KDM2A: variants seen among roughly 807,000 people sequenced by gnomAD.
The protein encoded by KDM2A is lysine-specific demethylase 2A.
Under a neutral mutation model 137.3 loss-of-function variants are expected in KDM2A, and 3 were observed. That is an observed-to-expected ratio of 0.02 (90% CI 0.01 to 0.06). The LOEUF is 0.06. KDM2A is among the 10% of genes least tolerant of loss of function. The pLI is 1.00. For missense variants in KDM2A, 738 were observed against 1,510.6 expected (o/e 0.49, Z 8.48); for synonymous variants, 512 against 541.5 (o/e 0.95, Z 0.76).
intron 5 of KDM2A, among the ~76,000 whole-genome samples, chr11:67,182,203 G>A (rs908488013): frequency 1.3e-5 from 2 of 152,126 alleles, no homozygotes; most frequent in African/African-American, 4.8e-5. Context: ...CAAGAAAGAA[G>A]TTTCATTAAT....
chr11:67,186,066 C>G (rs1010778402), intron 5 of KDM2A, among the ~76,000 whole-genome samples: 2 of 151,828 alleles, frequency 1.3e-5, no homozygotes, highest in African/African-American at 4.8e-5. Flanking sequence ...TAGAAAGGAG[C>G]AGAGAGAATA....
intron 12 of KDM2A, 130 bp downstream of exon 12, chr11:67,232,090 G>A: frequency 1.2e-6 from 1 of 839,778 alleles, no homozygotes; most frequent in Non-Finnish European, 1.9e-6. Flanking sequence ...ATATGCATGT[G>A]TGTTTGTTAT....
At chr11:67,252,587 G>C in intron 17 of KDM2A, 107 bp from the exon 18 acceptor site, 1 of 1,233,776 alleles carries the variant, frequency 8.1e-7, no homozygotes, top group Non-Finnish European at 1.2e-6. Flanking sequence ...ACTTGTAGAA[G>C]AACGAGCCTC....
intron 5 of KDM2A, among the ~76,000 whole-genome samples, chr11:67,183,246 C>A (rs540647058): frequency 6.6e-6 from 1 of 152,204 alleles, no homozygotes; most frequent in East Asian, 1.9e-4. Flanking sequence ...CAAGACAGAA[C>A]ACTCAGGGGA....
chr11:67,160,202 T>C (rs1311267647), intron 2 of KDM2A, among the ~76,000 whole-genome samples: 2 of 152,188 alleles, frequency 1.3e-5, no homozygotes, highest in East Asian at 3.9e-4. Context: ...GAACAGGCAG[T>C]GATGTTGTAT....
intron 2 of KDM2A, among the ~76,000 whole-genome samples, chr11:67,135,867 G>T (rs1180306619): frequency 1.3e-5 from 2 of 151,974 alleles, no homozygotes; most frequent in Non-Finnish European, 2.9e-5. Flanking sequence ...GAATTCAATG[G>T]TGCACACCCT....
In KDM2A at chr11:67,250,160, G is replaced by C. The variant is rs377697797; in HGVS notation, c.2130G>C (p.Glu710Asp). ...TGCGGCCCCTGCGGAGCTGCGATGA[G>C]CCTCTCACGCCCCCGCCTCATTCAC... Reference protein sequence around the residue: ...KVLRPLRSCDEPLTPPPHSPT... With the variant: ...KVLRPLRSCDDPLTPPPHSPT... Residue 710 changes from glutamate to aspartate, a missense_variant, in exon 17 of 21, where the codon GAG becomes GAC. Around this residue, in one of 9 missense-constraint regions of KDM2A, gnomAD observed 244 missense variants for 324.6 expected, o/e 0.75. Transcript: ENST00000529006. This position sits in a 1 kb window ranked among gnomAD's most constrained non-coding sequence, Gnocchi z 7.1. The C allele has an allele frequency of 2.0e-5, 32 of 1,613,526 alleles. No homozygotes were observed. Among genetic ancestry groups the C allele is most frequent in the Non-Finnish European group, 2.5e-5 (29 of 1,179,778 alleles).
chr11:67,243,200 A>G lies in KDM2A; in HGVS notation c.1563+108A>G, dbSNP rs561939063. The stretch of plus-strand genomic sequence containing the variant: ...ACTAGAGGCAGATGGCTTTTGGTGC[A>G]TTAATACAAACTGACAGAAAATCAT... On this transcript the variant is annotated intron_variant, in intron 13 of 20. Coordinates refer to ENST00000529006, the MANE Select transcript of KDM2A (RefSeq NM_012308.3). 2.0e-5 allele frequency: 15 copies of G among 742,052 alleles called. No individual in the cohort carries two copies. In the South Asian group the frequency reaches 2.3e-4, roughly 11 times the overall value. 46.0% of individuals were successfully genotyped at this position (742,052 alleles called of 1,614,324 possible). A position where few individuals can be genotyped will look rare whatever the true frequency, so the allele number is the denominator to read the frequency against.
intron 2 of KDM2A, among the ~76,000 whole-genome samples, chr11:67,125,490 G>T (rs180841112): frequency 3.3e-5 from 5 of 152,116 alleles, no homozygotes; most frequent in Admixed American, 3.3e-4. Flanking sequence ...ACTAGTTAAG[G>T]ACTGGGTGTG....
At chr11:67,176,905 C>T (rs1228557336) in intron 2 of KDM2A, among the ~76,000 whole-genome samples, 2 of 152,128 alleles carry the variant, frequency 1.3e-5, no homozygotes, top group African/African-American at 4.8e-5. Flanking sequence ...GGGCCTAAGA[C>T]ACTTTTGTAG....
rs1276229887 is a variant in KDM2A at position 67,184,666 on chromosome 11, C to G, written c.307+2774C>G. The stretch of plus-strand genomic sequence containing the variant: ...GAGGGTGGCTATTGCCCACACCCAC[C>G]CCCATTTTAGTTTTCTCTTTTCCCC... On this transcript the variant is annotated intron_variant, in intron 5 of 20. Transcript: ENST00000529006. 2.6e-5 allele frequency among the ~76,000 whole-genome samples: 4 copies of G among 152,170 alleles called. No individual in the cohort carries two copies. In the East Asian group the frequency reaches 7.7e-4, roughly 29 times the overall value.
chr11:67,156,248 CAAA>C (rs767497410), intron 2 of KDM2A, among the ~76,000 whole-genome samples: 4 of 108,842 alleles, frequency 3.7e-5, no homozygotes, highest in African/African-American at 1.3e-4. Context: ...AACTCCGTCT[CAAA>C]AAAAAAAAAA....
At chr11:67,209,366 G>A (rs2079584274) in intron 6 of KDM2A, among the ~76,000 whole-genome samples, 1 of 151,822 alleles carries the variant, frequency 6.6e-6, no homozygotes, top group South Asian at 2.1e-4. Context: ...AGAGGGATGG[G>A]ATGTAAGAAT....
Position 67,250,743 on chromosome 11 carries a change from C to G in KDM2A, c.2713C>G (p.Leu905Val), listed in dbSNP as rs1424045767. ...REVWMSVFRY[L>V]SRRELCECMR... The stretch of plus-strand genomic sequence containing the variant: ...GGTCTGGATGTCTGTCTTCCGCTAC[C>G]TCAGCCGCAGAGAACTTTGTGAATG... The change falls in exon 17 of 21, where the codon CTC becomes GTC. Residue 905 changes from leucine (L) to valine (V), a missense_variant. Leu to Val is a conservative substitution (Grantham distance 32, BLOSUM62 1). Transcript: ENST00000529006. This position sits in a 1 kb window ranked among gnomAD's most constrained non-coding sequence, Gnocchi z 7.1. The G allele has an allele frequency of 6.4e-7, 1 of 1,552,394 alleles. No individual in the cohort carries two copies.
At chr11:67,162,900 A>T (rs1260273832) in intron 2 of KDM2A, among the ~76,000 whole-genome samples, 2 of 151,830 alleles carry the variant, frequency 1.3e-5, no homozygotes, top group Non-Finnish European at 2.9e-5. Flanking sequence ...TTTTTTAGAG[A>T]TGGGGTCTGG....
In KDM2A at chr11:67,121,685, G is replaced by A. The variant is rs150230029; in HGVS notation, c.42+327G>A. ...CTGACATTGTAATACATCTGATTACGTTAGATTAGAATATAAATTTTGGGG... is the reference window on the plus strand; with the variant it reads ...CTGACATTGTAATACATCTGATTACATTAGATTAGAATATAAATTTTGGGG... On this transcript the variant is annotated intron_variant, in intron 2 of 20. Transcript: ENST00000529006. 2.6e-5 allele frequency among the ~76,000 whole-genome samples: 4 copies of A among 152,280 alleles called. No individual in the cohort carries two copies. The East Asian group carries it at 7.7e-4, about 29-fold the overall frequency.
chr11:67,170,776 T>C (rs1856865859), intron 2 of KDM2A, among the ~76,000 whole-genome samples: 1 of 152,132 alleles, frequency 6.6e-6, no homozygotes, highest in African/African-American at 2.4e-5. Flanking sequence ...CTACACCTTC[T>C]CTCTCTCTGC....
At chr11:67,193,764 G>A (rs189049370) in intron 5 of KDM2A, among the ~76,000 whole-genome samples, 2 of 152,302 alleles carry the variant, frequency 1.3e-5, no homozygotes, top group East Asian at 3.9e-4. Context: ...GGGAGGCTGA[G>A]GCAGAAGAAC....
chr11:67,202,637 A>G (rs1387716544), intron 5 of KDM2A, among the ~76,000 whole-genome samples: 1 of 151,090 alleles, frequency 6.6e-6, no homozygotes, highest in African/African-American at 2.4e-5. Flanking sequence ...CTAGCCAGGC[A>G]TGGTGGCAGG....
Sources: allele counts gnomAD v4.1 joint callset (sites outside exome capture counted in the v4.1 genomes callset), GRCh38; gene constraint gnomAD v4.1.1; regional missense constraint gnomAD v4.1.1; non-coding constraint Gnocchi (gnomAD v3.1); transcripts MANE v1.5; gene names NCBI Gene and HGNC (gene_info 2026-07-23, HGNC 2026-07-21).